Variants in FREM1 observed in about 807,000 individuals in gnomAD.
FREM1 encodes FRAS1 related extracellular matrix 1, also known as FRAS1-related extracellular matrix protein 1.
Under a neutral mutation model 210.1 loss-of-function variants are expected in FREM1, and 220 were observed. The observed-to-expected ratio is 1.05, with a 90% CI of 0.94 to 1.17. FREM1 has a LOEUF of 1.17. Ranked by LOEUF, FREM1 falls within the 50% of genes most tolerant of loss-of-function variation. FREM1 has a pLI of 0.00. For synonymous variants in FREM1, 1,189 were observed against 980.2 expected, an observed-to-expected ratio of 1.21 and a Z score of -3.98; for missense variants, 3,454 against 2,675.5, an observed-to-expected ratio of 1.29 and a Z score of -6.42.
At position 14,812,953 on chromosome 9, in the gene FREM1, C is replaced by T; in HGVS notation, c.2752G>A (p.Asp918Asn). Residue 918 changes from aspartate (D) to asparagine (N), a missense_variant, in exon 16 of 37, where the codon GAT becomes AAT. By Grantham distance (23) the Asp-to-Asn change is conservative. Transcript: ENST00000380880. ...AACTTCAAGTTATCGCTGTCCACAT[C>T]AGTAGCAAAAATGTATTCAGAGGTG... ...VITSEYIFAT[D>N]VDSDNLKLMF... 3.1e-6 allele frequency: 5 copies of T among 1,613,932 alleles called. No individual in the cohort carries two copies. Among genetic ancestry groups the T allele is most frequent in the Non-Finnish European group, 4.2e-6 (5 of 1,179,866 alleles).
chr9:14,824,928 C>T lies in FREM1; in HGVS notation c.1946G>A (p.Arg649Gln), dbSNP rs775039827. ...CTCAGTTTCCTTGACAACCAAATGC[C>T]GAGAAACTCCAGGAGCCTCTTTTGG... The part of the protein sequence containing the change: ...QLPKEAPGVS[R>Q]HLVVKETEVA... The change falls in exon 11 of 37, where the codon CGG becomes CAG. Residue 649 changes from arginine (R) to glutamine (Q), a missense_variant. By Grantham distance (43) the Arg-to-Gln change is conservative (BLOSUM62 1). Transcript: ENST00000380880. 25 of 1,610,008 alleles carry T rather than the reference C, an allele frequency of 1.6e-5. No homozygotes were observed. Among genetic ancestry groups the T allele is most frequent in the Admixed American group, 1.7e-5 (1 of 59,410 alleles).
At position 14,869,008 on chromosome 9, in the gene FREM1, C is replaced by A. The variant is rs746953422; in HGVS notation, c.-31G>T. On this transcript the variant is annotated 5_prime_UTR_variant, in exon 2 of 37. Transcript: ENST00000380880. Reference sequence around the variant, plus strand: ...CAGGGCCCAACTCTTCTCTGTCCACCGGCGAAATCCCTTTAACAAAGGAGG... The same window carrying A: ...CAGGGCCCAACTCTTCTCTGTCCACAGGCGAAATCCCTTTAACAAAGGAGG... 2.1e-6 allele frequency: 3 copies of A among 1,444,464 alleles called. No homozygotes were observed. The South Asian group carries it at 3.8e-5, about 18-fold the overall frequency. The allele number at this position is 1,444,464 out of a possible 1,614,324, so 89.5% of individuals were successfully genotyped here.
chr9:14,784,699 G>A (rs1850141508), intron 23 of FREM1, 65 bp from the exon 24 acceptor site: 5 of 1,315,740 alleles, frequency 3.8e-6, no homozygotes, highest in Admixed American at 2.9e-5. Flanking sequence ...CAAGGCAAAG[G>A]CAGAAGACAA....
At chr9:14,804,734 C>G (rs1238418202) in intron 19 of FREM1, among the ~76,000 whole-genome samples, 3 of 151,886 alleles carry the variant, frequency 2.0e-5, no homozygotes, top group Non-Finnish European at 4.4e-5. Context: ...TTTTTTTTCT[C>G]TCTCATAATT....
At chr9:14,909,439 T>C (rs1818351211) in intron 1 of FREM1, among the ~76,000 whole-genome samples, 1 of 152,184 alleles carries the variant, frequency 6.6e-6, no homozygotes, top group East Asian at 1.9e-4. Flanking sequence ...AGAAATCATG[T>C]TTTTGAAAAT....
chr9:14,873,129 T>C (rs1191204290), intron 1 of FREM1, among the ~76,000 whole-genome samples: 2 of 152,180 alleles, frequency 1.3e-5, no homozygotes. Context: ...TCTAAAATTC[T>C]CTTTTTTGGT....
At chr9:14,894,131 T>TA in intron 1 of FREM1, among the ~76,000 whole-genome samples, 1 of 152,354 alleles carries the variant, frequency 6.6e-6, no homozygotes, top group East Asian at 1.9e-4. Flanking sequence ...TTATTTGGTA[T>TA]AAAAATAATA....
chr9:14,899,161 A>G (rs961525011), intron 1 of FREM1, among the ~76,000 whole-genome samples: 2 of 152,108 alleles, frequency 1.3e-5, no homozygotes, highest in Admixed American at 6.5e-5. Context: ...GCTTTTGAGG[A>G]CTGTCTCTTC....
intron 10 of FREM1, 125 bp downstream of exon 10, chr9:14,841,322 G>C: frequency 1.3e-6 from 1 of 747,208 alleles, no homozygotes; most frequent in Admixed American, 3.3e-5. Context: ...GCTTAATTTT[G>C]TTTAATCGAT....
At chr9:14,760,208 G>T (rs7026160) in intron 27 of FREM1, among the ~76,000 whole-genome samples, 148,787 of 152,318 alleles carry the variant, frequency 0.98, 72,768 homozygotes, top group Middle Eastern at 1. Context: ...GGACTCAATC[G>T]TGAATGTTTT....
chr9:14,785,310 A>G (rs1227518213), intron 23 of FREM1, among the ~76,000 whole-genome samples: 1 of 152,250 alleles, frequency 6.6e-6, no homozygotes, highest in Non-Finnish European at 1.5e-5. Context: ...ATTAACATTC[A>G]TTAGTTATAT....
At chr9:14,883,284 A>C (rs1835151043) in intron 1 of FREM1, among the ~76,000 whole-genome samples, 1 of 152,246 alleles carries the variant, frequency 6.6e-6, no homozygotes, top group Admixed American at 6.5e-5. Flanking sequence ...TACAAGAGTA[A>C]CAATTTCCAA....
At chr9:14,844,310 C>G (rs1826216732) in intron 8 of FREM1, among the ~76,000 whole-genome samples, 1 of 151,932 alleles carries the variant, frequency 6.6e-6, no homozygotes, top group Non-Finnish European at 1.5e-5. Flanking sequence ...ACTGCAACCT[C>G]CACCTCCCGG....
At chr9:14,863,335 C>T (rs370861823) in intron 3 of FREM1, among the ~76,000 whole-genome samples, 1,602 of 127,366 alleles carry the variant, frequency 0.013, 31 homozygotes, top group African/African-American at 0.051. Context: ...AGCAAGACTC[C>T]GTCTCAAAAA....
At chr9:14,761,111 T>G (rs192731691) in intron 27 of FREM1, among the ~76,000 whole-genome samples, 2 of 152,332 alleles carry the variant, frequency 1.3e-5, no homozygotes, top group Admixed American at 1.3e-4. Context: ...GGTGCCACCA[T>G]ATGGAACATG....
At chr9:14,783,525 C>T (rs1251007856) in intron 24 of FREM1, among the ~76,000 whole-genome samples, 2 of 152,156 alleles carry the variant, frequency 1.3e-5, no homozygotes, top group Non-Finnish European at 2.9e-5. Context: ...GGATTGTATA[C>T]AATGGTTCGT....
At chr9:14,776,301 G>C in intron 24 of FREM1, 98 bp from the exon 25 acceptor site, 1 of 1,328,388 alleles carries the variant, frequency 7.5e-7, no homozygotes, top group East Asian at 2.5e-5. Flanking sequence ...AAAGGGTATT[G>C]TCGTGTTGTG....
chr9:14,769,933 A>G, intron 26 of FREM1, 65 bp from the exon 27 acceptor site: 1 of 774,160 alleles, frequency 1.3e-6, no homozygotes, highest in Non-Finnish European at 2.0e-6. Context: ...AGCTAATAAA[A>G]TTGTATGGCT....
chr9:14,819,563 A>G, intron 13 of FREM1, 121 bp from the exon 14 acceptor site: 3 of 615,662 alleles, frequency 4.9e-6, no homozygotes, highest in Non-Finnish European at 8.3e-6. Context: ...TTTTTCAAGA[A>G]TGTGGTAAGA....
Sources: gnomAD v4.1 joint callset for allele counts (sites outside exome capture counted in the v4.1 genomes callset) on GRCh38, gnomAD v4.1.1 for gene constraint, MANE v1.5 for transcripts, NCBI Gene and HGNC (gene_info 2026-07-23, HGNC 2026-07-21) for gene names.